RASGEF1B: variants seen among roughly 807,000 people sequenced by gnomAD.
RASGEF1B encodes RasGEF domain family member 1B, also known as ras-GEF domain-containing family member 1B.
Under a neutral mutation model 65.7 loss-of-function variants are expected in RASGEF1B, and 30 were observed. The observed-to-expected ratio is 0.46, with a 90% CI of 0.34 to 0.62. The LOEUF (loss-of-function observed/expected upper bound fraction) is 0.62. Ranked by LOEUF, RASGEF1B falls within the 20% of genes least tolerant of loss-of-function variation. The pLI, the probability that RASGEF1B is intolerant of heterozygous loss-of-function variation, is 0.01. For synonymous variants in RASGEF1B, 175 were observed against 194.8 expected (o/e 0.90, Z 0.85); for missense variants, 495 against 580.1 (o/e 0.85, Z 1.51).
At chr4:81,461,850 C>A (rs1722658821) in intron 1 of RASGEF1B, among the ~76,000 whole-genome samples, 1 of 152,146 alleles carries the variant, frequency 6.6e-6, no homozygotes, top group African/African-American at 2.4e-5. Flanking sequence ...GCTAAGATGA[C>A]CCAGCAATGA....
rs1453820070 is a variant in RASGEF1B, at chr4:81,457,493, C to T, written c.300+6G>A. The T allele has an allele frequency of 6.8e-6, 11 of 1,613,176 alleles. No homozygotes were observed. The highest frequency in any genetic ancestry group is 1.3e-5 in the African/African-American group (1 of 74,824). ...CCTAATAAAACAAATTGTAATGTAC[C>T]ATTACCTTATCACTATCAGGATCAC... On this transcript the variant is annotated splice_donor_region_variant and intron_variant, in intron 3 of 13. Coordinates refer to ENST00000264400, the MANE Select transcript of RASGEF1B (RefSeq NM_152545.3).
chr4:81,434,997 T>C (rs528094294), intron 10 of RASGEF1B, among the ~76,000 whole-genome samples: 5 of 152,336 alleles, frequency 3.3e-5, no homozygotes, highest in Admixed American at 3.3e-4. Context: ...CAATTTTTCC[T>C]ATTTTTCTCA....
intron 2 of RASGEF1B, 71 bp from the exon 3 acceptor site, chr4:81,457,692 C>T: frequency 1.3e-6 from 2 of 1,539,444 alleles, no homozygotes; most frequent in Non-Finnish European, 1.8e-6. Context: ...TATACTATGT[C>T]TTATTTCATT....
chr4:81,439,467 T>C (rs899596699), intron 10 of RASGEF1B, among the ~76,000 whole-genome samples: 1 of 152,206 alleles, frequency 6.6e-6, no homozygotes, highest in African/African-American at 2.4e-5. Flanking sequence ...TTTGGAGGGA[T>C]TGCACTTCAG....
Position 81,427,354 on chromosome 4 carries a change from G to A in RASGEF1B, c.*414C>T, listed in dbSNP as rs564718135. 3.4e-4 allele frequency: 57 copies of A among 167,234 alleles called. No individual in the cohort carries two copies. Among genetic ancestry groups the A allele is most frequent in the African/African-American group, 1.3e-3 (56 of 42,032 alleles). The allele number at this position is 167,234 out of a possible 1,614,324, so 10.4% of individuals were successfully genotyped here. The stretch of plus-strand genomic sequence containing the variant: ...CTTCATTTAAGTTAACAAAAGAAAC[G>A]TGGGCTTCCTCAGAGCCAGCACTCA... On this transcript the variant is annotated 3_prime_UTR_variant, in exon 14 of 14. Transcript: ENST00000264400.
At chr4:81,454,925 A>C (rs548837860) in intron 4 of RASGEF1B, 3 of 152,348 alleles carry the variant, frequency 2.0e-5, no homozygotes, top group Non-Finnish European at 2.9e-5. Context: ...ATGGCATTAA[A>C]ATGTTTATAT....
intron 4 of RASGEF1B, among the ~76,000 whole-genome samples, chr4:81,448,807 T>C (rs543386069): frequency 6.6e-6 from 1 of 152,034 alleles, no homozygotes; most frequent in South Asian, 2.1e-4. Flanking sequence ...CCACCTTCTT[T>C]TGTTTTGTTT....
rs563810303 is a variant in RASGEF1B, at chr4:81,450,241, G to A, written c.439-1957C>T. Among the ~76,000 whole-genome samples the A allele has an allele frequency of 8.9e-4, 135 of 152,214 alleles. 1 individual carries two copies. The highest frequency in any genetic ancestry group is 3.2e-3 in the African/African-American group (132 of 41,538). On this transcript the variant is annotated intron_variant, in intron 4 of 13. Transcript: ENST00000264400. The stretch of plus-strand genomic sequence containing the variant: ...GAGTTACAGTAAAAATCTATGGCCA[G>A]GCATAGTGGCTCACATCTGTAATCC...
intron 4 of RASGEF1B, chr4:81,453,279 C>T (rs952521154): frequency 2.0e-5 from 3 of 152,148 alleles, no homozygotes; most frequent in African/African-American, 7.2e-5. Flanking sequence ...CCCTCAGTAT[C>T]CTCGGGAGAT....
chr4:81,461,760 A>C (rs1257003548), intron 1 of RASGEF1B, among the ~76,000 whole-genome samples: 1 of 152,188 alleles, frequency 6.6e-6, no homozygotes, highest in East Asian at 1.9e-4. Context: ...TCAGACAGTC[A>C]TGGAAGGAGC....
At chr4:81,459,219 G>C (rs1722554760) in intron 2 of RASGEF1B, 113 bp downstream of exon 2, 1 of 829,740 alleles carries the variant, frequency 1.2e-6, no homozygotes, top group East Asian at 2.7e-5. Flanking sequence ...TTTCTTGTTA[G>C]AAAAATTCTT....
Position 81,442,290 on chromosome 4 carries a change from C to T in RASGEF1B, c.1008+7G>A, listed in dbSNP as rs1721866523. 1 of 1,596,980 alleles carries T rather than the reference C, an allele frequency of 6.3e-7. No homozygotes were observed. ...TTACTTAACAGCAAAACATCAGCTT[C>T]ACATACCTCAAGAATGTCAAATTTT... is the stretch of plus-strand genomic sequence containing the variant. On this transcript the variant is annotated splice_region_variant and intron_variant, in intron 9 of 13. Coordinates refer to ENST00000264400, the MANE Select transcript of RASGEF1B (RefSeq NM_152545.3).
intron 6 of RASGEF1B, 129 bp downstream of exon 6, chr4:81,447,375 G>T: frequency 1.5e-6 from 1 of 666,528 alleles, no homozygotes; most frequent in South Asian, 2.2e-5. Flanking sequence ...GTGGCTGATG[G>T]AAAAAAAAAA....
At chr4:81,434,562 TG>T in intron 11 of RASGEF1B, 76 bp downstream of exon 11, 1 of 821,558 alleles carries the variant, frequency 1.2e-6, no homozygotes. Flanking sequence ...TTTGGCTGCC[TG>T]GCCAGGAATG....
intron 4 of RASGEF1B, chr4:81,455,968 A>G (rs1326388958): frequency 1.3e-5 from 2 of 152,710 alleles, no homozygotes; most frequent in Non-Finnish European, 1.5e-5. Flanking sequence ...TAAACACCAT[A>G]AAGAGCAGTT....
At position 81,434,658 on chromosome 4, in the gene RASGEF1B, T is replaced by C. The variant is rs1307262106; in HGVS notation, c.1181A>G (p.Asn394Ser). The C allele has an allele frequency of 3.1e-6, 5 of 1,599,500 alleles. No individual in the cohort carries two copies. The highest frequency in any genetic ancestry group is 8.6e-7 in the Non-Finnish European group (1 of 1,166,824). Reference sequence around the variant, plus strand: ...ACTCACCTCAAAATTGACATGGCCATTGGGAAGGCGGTTGGCACAACCCTC... The same window carrying C: ...ACTCACCTCAAAATTGACATGGCCACTGGGAAGGCGGTTGGCACAACCCTC... ...LNEGCANRLPNGHVNFEKFWE... is the reference protein window; with the variant it reads ...LNEGCANRLPSGHVNFEKFWE... Residue 394 changes from asparagine to serine, a missense_variant, in exon 11 of 14, where the codon AAT becomes AGT. Physicochemically the swap from Asn to Ser is conservative, Grantham distance 46. Coordinates refer to ENST00000264400, the MANE Select transcript of RASGEF1B (RefSeq NM_152545.3).
chr4:81,444,085 T>A (rs573187814), intron 8 of RASGEF1B, among the ~76,000 whole-genome samples: 1 of 152,240 alleles, frequency 6.6e-6, no homozygotes, highest in Non-Finnish European at 1.5e-5. Context: ...CAGTATCCTC[T>A]CGCATGACAA....
In RASGEF1B at chr4:81,440,866, T is replaced by G; in HGVS notation, c.1072A>C (p.Arg358=). Residue 358 remains arginine (R), a synonymous_variant, in exon 10 of 14, where the codon AGG becomes CGG. Transcript: ENST00000264400. The stretch of plus-strand genomic sequence containing the variant: ...CTACTACTATGAGCAGTTAAAGACC[T>G]TTGTGCTGCCCCACGAAGAGCTGTT... The part of the protein sequence containing the change: ...YRTALRGAAQ[R]SLTAHSSREK... The G allele has an allele frequency of 6.2e-7, 1 of 1,613,110 alleles. No individual in the cohort carries two copies. Among genetic ancestry groups the G allele is most frequent in the Non-Finnish European group, 8.5e-7 (1 of 1,179,276 alleles).
rs924908376 is a variant in RASGEF1B at position 81,427,435 on chromosome 4, A to G, written c.*333T>C. ...CAACCAAATTAAAAAAAACACACAC[A>G]CACAAAAGAAAACTCCATCCAGGTG... On this transcript the variant is annotated 3_prime_UTR_variant, in exon 14 of 14. Transcript: ENST00000264400. 3 of 293,762 alleles carry G rather than the reference A, an allele frequency of 1.0e-5. No individual in the cohort carries two copies. The highest frequency in any genetic ancestry group is 6.5e-5 in the African/African-American group (3 of 46,184). 18.2% of individuals were successfully genotyped at this position (293,762 alleles called of 1,614,324 possible).
Sources: allele counts gnomAD v4.1 joint callset (sites outside exome capture counted in the v4.1 genomes callset), GRCh38; gene constraint gnomAD v4.1.1; transcripts MANE v1.5; gene names NCBI Gene and HGNC (gene_info 2026-07-23, HGNC 2026-07-21).